Variants in SEMA5A observed in about 807,000 individuals in gnomAD.
SEMA5A encodes the protein semaphorin 5A, also known as semaphorin-5A.
In SEMA5A, 55 loss-of-function variants were observed where a neutral mutation model predicts 135.5. That is an observed-to-expected ratio of 0.41 (90% CI 0.33 to 0.51). SEMA5A has a LOEUF of 0.51. Ranked by LOEUF, SEMA5A falls within the 20% of genes least tolerant of loss-of-function variation. SEMA5A has a pLI of 0.37. For missense variants in SEMA5A, 1,290 were observed against 1,419.9 expected (o/e 0.91, Z 1.47); for synonymous variants, 580 against 546.5 (o/e 1.06, Z -0.85).
At position 9,162,480 on chromosome 5, in the gene SEMA5A, GTGTATATA is replaced by G. The variant is rs1219406699; in HGVS notation, c.1274-7793_1274-7786del. Among the ~76,000 whole-genome samples the G allele has an allele frequency of 8.3e-3, 599 of 72,402 alleles. 5 individuals are homozygous for G. Among genetic ancestry groups the G allele is most frequent in the African/African-American group, 0.021 (574 of 27,450 alleles). 47.5% of individuals were successfully genotyped at this position (72,402 alleles called of 152,430 possible). On this transcript the variant is annotated intron_variant, in intron 11 of 22. Transcript: ENST00000382496. ...TATGTGTGTGTATATATATGTGTGT[GTGTATATA>G]TGTATATGTGTATATATAGGAATAT...
chr5:9,169,504 C>G (rs979902126), intron 11 of SEMA5A, among the ~76,000 whole-genome samples: 3 of 152,160 alleles, frequency 2.0e-5, no homozygotes, highest in Admixed American at 2.0e-4. Flanking sequence ...TACTTACTAA[C>G]TGGACTTTCC....
At chr5:9,432,193 G>A (rs943883695) in intron 2 of SEMA5A, among the ~76,000 whole-genome samples, 1 of 152,162 alleles carries the variant, frequency 6.6e-6, no homozygotes, top group African/African-American at 2.4e-5. Context: ...CTTTCTGGAT[G>A]GCCTCACAGA....
intron 3 of SEMA5A, among the ~76,000 whole-genome samples, chr5:9,375,208 C>T (rs1361429603): frequency 6.6e-6 from 1 of 152,166 alleles, no homozygotes; most frequent in African/African-American, 2.4e-5. Flanking sequence ...TTTATGTGTC[C>T]TCCCAAAAGA....
At chr5:9,528,122 C>T (rs1189984215) in intron 1 of SEMA5A, among the ~76,000 whole-genome samples, 1 of 152,060 alleles carries the variant, frequency 6.6e-6, no homozygotes, top group African/African-American at 2.4e-5. Flanking sequence ...CACTGCCTAC[C>T]AAAGACTTCA....
chr5:9,310,563 T>C (rs1160756493), intron 5 of SEMA5A, among the ~76,000 whole-genome samples: 1 of 151,936 alleles, frequency 6.6e-6, no homozygotes, highest in Non-Finnish European at 1.5e-5. Flanking sequence ...ATTGTGAATA[T>C]CTCATTGGAA....
intron 1 of SEMA5A, among the ~76,000 whole-genome samples, chr5:9,520,344 G>T (rs1220187987): frequency 6.6e-6 from 1 of 152,232 alleles, no homozygotes; most frequent in Admixed American, 6.5e-5. Context: ...ACCTATGGAG[G>T]ATGATGGAGA....
At chr5:9,183,954 T>A (rs1744665365) in intron 11 of SEMA5A, among the ~76,000 whole-genome samples, 1 of 152,218 alleles carries the variant, frequency 6.6e-6, no homozygotes, top group Non-Finnish European at 1.5e-5. Flanking sequence ...TGTGTATATA[T>A]TGTTCTACTT....
chr5:9,406,502 A>T (rs1440902589), intron 2 of SEMA5A, among the ~76,000 whole-genome samples: 1 of 152,240 alleles, frequency 6.6e-6, no homozygotes, highest in Admixed American at 6.5e-5. Context: ...TATCTTTAAT[A>T]AAAGGAGTTA....
chr5:9,050,626 C>A (rs1441768241), intron 20 of SEMA5A, among the ~76,000 whole-genome samples, 169 bp from the exon 21 acceptor site: 1 of 152,148 alleles, frequency 6.6e-6, no homozygotes, highest in Non-Finnish European at 1.5e-5. Context: ...TTGTTTTAAC[C>A]AACCTGATAT....
chr5:9,397,566 A>C (rs1756460806), intron 2 of SEMA5A, among the ~76,000 whole-genome samples: 1 of 152,222 alleles, frequency 6.6e-6, no homozygotes, highest in African/African-American at 2.4e-5. Context: ...AACACACCCA[A>C]TCATTAGAAC....
intron 1 of SEMA5A, among the ~76,000 whole-genome samples, chr5:9,491,379 T>G (rs1434348462): frequency 2.6e-5 from 4 of 152,118 alleles, no homozygotes; most frequent in Non-Finnish European, 5.9e-5. Flanking sequence ...TGAACCCTAA[T>G]GTAAACTATG....
chr5:9,497,051 G>A (rs1015935430), intron 1 of SEMA5A, among the ~76,000 whole-genome samples: 2 of 152,188 alleles, frequency 1.3e-5, no homozygotes, highest in Admixed American at 1.3e-4. Context: ...TCTTACAAAT[G>A]CAATGCCTTA....
intron 12 of SEMA5A, among the ~76,000 whole-genome samples, chr5:9,152,235 C>G (rs1437097791): frequency 6.6e-6 from 1 of 152,192 alleles, no homozygotes; most frequent in Non-Finnish European, 1.5e-5. Context: ...CCGTGTCACC[C>G]TCCAAAAAGG....
rs766711379 is a variant in SEMA5A, at chr5:9,108,144, T to C, written c.2069A>G (p.Asn690Ser). Reference protein sequence around the residue: ...CENGPDCAGCNVEYQSCNTNP... With the variant: ...CENGPDCAGCSVEYQSCNTNP... Reference sequence around the variant, plus strand: ...TGTGAGAAGAAGGCTACTCACCACATTGCAGCCTGCACAGTCAGGCCCATT... The same window carrying C: ...TGTGAGAAGAAGGCTACTCACCACACTGCAGCCTGCACAGTCAGGCCCATT... Residue 690 changes from asparagine to serine, a missense_variant, in exon 16 of 23, where the codon AAT becomes AGT. This residue lies in a region of SEMA5A where 1,029 missense variants were observed against 1,086.6 expected (regional missense o/e 0.95). Coordinates refer to ENST00000382496, the MANE Select transcript of SEMA5A (RefSeq NM_003966.3). The C allele has an allele frequency of 1.9e-5, 31 of 1,613,756 alleles. No homozygotes were observed. Among genetic ancestry groups the C allele is most frequent in the Admixed American group, 1.0e-4 (6 of 59,966 alleles).
intron 11 of SEMA5A, among the ~76,000 whole-genome samples, chr5:9,187,883 G>T (rs999543233): frequency 4.6e-5 from 7 of 152,208 alleles, no homozygotes; most frequent in Non-Finnish European, 7.3e-5. Flanking sequence ...AACACGGTGT[G>T]GGGGTGAGGG....
At chr5:9,233,673 G>A (rs536634325) in intron 6 of SEMA5A, among the ~76,000 whole-genome samples, 11 of 152,154 alleles carry the variant, frequency 7.2e-5, no homozygotes, top group Non-Finnish European at 1.3e-4. Context: ...TACTTTTAAT[G>A]GATTATATGT....
intron 5 of SEMA5A, among the ~76,000 whole-genome samples, chr5:9,284,198 A>G (rs1750682852): frequency 6.6e-6 from 1 of 152,094 alleles, no homozygotes; most frequent in Non-Finnish European, 1.5e-5. Flanking sequence ...CCAAATTAGG[A>G]GATTGCTTGA....
At chr5:9,237,964 G>GT in intron 5 of SEMA5A, 74 bp from the exon 6 acceptor site, 1 of 1,390,680 alleles carries the variant, frequency 7.2e-7, no homozygotes, top group Non-Finnish European at 1.0e-6. Context: ...AAGGTAACAA[G>GT]GCACTGGTAA....
At chr5:9,245,932 C>T (rs976112947) in intron 5 of SEMA5A, among the ~76,000 whole-genome samples, 6 of 151,982 alleles carry the variant, frequency 3.9e-5, no homozygotes, top group African/African-American at 1.5e-4. Flanking sequence ...TTCCAATGAC[C>T]CTACTCCTGA....
Sources: allele counts gnomAD v4.1 joint callset (sites outside exome capture counted in the v4.1 genomes callset), GRCh38; gene constraint gnomAD v4.1.1; regional missense constraint gnomAD v4.1.1; transcripts MANE v1.5; gene names NCBI Gene and HGNC (gene_info 2026-07-23, HGNC 2026-07-21).